The following SGCZ variants were observed in gnomAD, a reference collection of about 807,000 sequenced individuals.
SGCZ encodes the protein sarcoglycan zeta, also known as zeta-sarcoglycan.
In SGCZ, 40 loss-of-function variants were observed where a neutral mutation model predicts 41.3. The observed-to-expected ratio is 0.97, with a 90% CI of 0.75 to 1.26. The LOEUF is 1.26. SGCZ is among the 50% of genes most tolerant of loss of function. SGCZ has a pLI of 0.00. For missense variants in SGCZ, 552 were observed against 369.8 expected (o/e 1.49, Z -4.04); for synonymous variants, 206 against 137.5 (o/e 1.50, Z -3.49).
intron 2 of SGCZ, among the ~76,000 whole-genome samples, chr8:14,535,223 T>A: frequency 6.6e-6 from 1 of 151,992 alleles, no homozygotes; most frequent in East Asian, 1.9e-4. Context: ...TTTCAAATGT[T>A]CTGTGTTTTG....
At chr8:14,920,518 G>A (rs1372152538) in intron 1 of SGCZ, among the ~76,000 whole-genome samples, 8 of 152,094 alleles carry the variant, frequency 5.3e-5, no homozygotes, top group Non-Finnish European at 1.2e-4. Context: ...ATAATTTAGA[G>A]AGAAGCAATA....
rs528462219 is a variant in SGCZ, at chr8:14,703,554, C to G, written c.40-148628G>C. Among the ~76,000 whole-genome samples the G allele has an allele frequency of 1.1e-3, 160 of 152,094 alleles. 2 individuals are homozygous for G. Among genetic ancestry groups the G allele is most frequent in the African/African-American group, 3.7e-3 (154 of 41,526 alleles). ...CCTTATATATTTCATGCCAGCTACA[C>G]AAGGGCAGAAACTCTATTCTAGTCT... On this transcript the variant is annotated intron_variant, in intron 1 of 7. Coordinates refer to ENST00000382080, the MANE Select transcript of SGCZ (RefSeq NM_139167.4).
intron 2 of SGCZ, among the ~76,000 whole-genome samples, chr8:14,411,212 T>C (rs934046243): frequency 1.3e-5 from 2 of 152,142 alleles, no homozygotes; most frequent in Non-Finnish European, 2.9e-5. Context: ...GCATGTTCTC[T>C]CCTTAGAAAC....
chr8:14,767,403 G>A (rs1800072353), intron 1 of SGCZ, among the ~76,000 whole-genome samples: 2 of 152,140 alleles, frequency 1.3e-5, no homozygotes, highest in African/African-American at 4.8e-5. Flanking sequence ...GTAGACCCAG[G>A]AAAACAGAAA....
Position 14,298,589 on chromosome 8 carries a change from A to C in SGCZ, c.336+25514T>G, listed in dbSNP as rs190333680. 3.0e-4 allele frequency among the ~76,000 whole-genome samples: 46 copies of C among 152,138 alleles called. No individual in the cohort carries two copies. In the East Asian group the frequency reaches 3.7e-3, roughly 12 times the overall value. On this transcript the variant is annotated intron_variant, in intron 3 of 7. Transcript: ENST00000382080. ...ATTTAAACTTAATACCATTTATTACAACATTAAAAATTTTATATACTCAGA... is the reference window on the plus strand; with the variant it reads ...ATTTAAACTTAATACCATTTATTACCACATTAAAAATTTTATATACTCAGA...
intron 1 of SGCZ, among the ~76,000 whole-genome samples, chr8:15,226,206 G>A (rs1034896389): frequency 2.6e-4 from 39 of 152,210 alleles, no homozygotes; most frequent in African/African-American, 8.7e-4. Context: ...TACTTACTTA[G>A]CTGGCTCACT....
intron 1 of SGCZ, among the ~76,000 whole-genome samples, chr8:14,802,895 T>A (rs1801372494): frequency 6.6e-6 from 1 of 152,164 alleles, no homozygotes; most frequent in Non-Finnish European, 1.5e-5. Context: ...GCACTGAAGC[T>A]TCCTGTCTGC....
At chr8:14,484,481 T>C (rs1387743428) in intron 2 of SGCZ, among the ~76,000 whole-genome samples, 1 of 152,204 alleles carries the variant, frequency 6.6e-6, no homozygotes, top group African/African-American at 2.4e-5. Context: ...GATGTGATTT[T>C]TAAAACATTT....
intron 3 of SGCZ, among the ~76,000 whole-genome samples, chr8:14,322,926 G>A (rs964715568): frequency 6.6e-6 from 1 of 151,992 alleles, no homozygotes; most frequent in Admixed American, 6.6e-5. Context: ...ACAAAATAAA[G>A]CAAAAGAACT....
intron 1 of SGCZ, among the ~76,000 whole-genome samples, chr8:15,179,427 C>T (rs928828616): frequency 2.6e-5 from 4 of 152,096 alleles, no homozygotes; most frequent in African/African-American, 4.8e-5. Flanking sequence ...CATAAAACTA[C>T]GTAAGATGTA....
intron 1 of SGCZ, among the ~76,000 whole-genome samples, chr8:14,660,571 C>CAAAAAA (rs71304960): frequency 1.8e-4 from 12 of 67,238 alleles, no homozygotes; most frequent in African/African-American, 4.8e-4. Flanking sequence ...AACTCCATCT[C>CAAAAAA]AAAAAAAAAA....
chr8:15,218,515 A>G (rs1801491125), intron 1 of SGCZ, among the ~76,000 whole-genome samples: 1 of 152,202 alleles, frequency 6.6e-6, no homozygotes, highest in Non-Finnish European at 1.5e-5. Flanking sequence ...AAACTCAAGC[A>G]CTTACATTTA....
intron 1 of SGCZ, among the ~76,000 whole-genome samples, chr8:14,976,029 T>A (rs1402325357): frequency 8.2e-5 from 12 of 146,900 alleles, no homozygotes; most frequent in East Asian, 2.0e-4. Context: ...CATATATATT[T>A]TTTTTTTTTC....
chr8:14,769,052 C>T (rs75031978), intron 1 of SGCZ, among the ~76,000 whole-genome samples: 2,642 of 151,820 alleles, frequency 0.017, 31 homozygotes, highest in Middle Eastern at 0.037. Flanking sequence ...AACACACACC[C>T]GTCATCTGGT....
chr8:15,103,901 T>C (rs1004218011), intron 1 of SGCZ, among the ~76,000 whole-genome samples: 16 of 152,140 alleles, frequency 1.1e-4, no homozygotes, highest in African/African-American at 3.9e-4. Context: ...AGTGTCAAAG[T>C]CACACTAATG....
At chr8:14,270,189 G>T (rs879562923) in intron 3 of SGCZ, among the ~76,000 whole-genome samples, 1 of 151,976 alleles carries the variant, frequency 6.6e-6, no homozygotes, top group African/African-American at 2.4e-5. Flanking sequence ...AAAATTAGCT[G>T]GTTGTGGTGA....
intron 1 of SGCZ, among the ~76,000 whole-genome samples, chr8:15,164,891 T>C (rs934564997): frequency 6.6e-6 from 1 of 152,080 alleles, no homozygotes; most frequent in African/African-American, 2.4e-5. Context: ...ATAAGCTTCT[T>C]TCTGGTTTGA....
chr8:14,521,176 C>T (rs889201425), intron 2 of SGCZ, among the ~76,000 whole-genome samples: 1 of 152,172 alleles, frequency 6.6e-6, no homozygotes, highest in African/African-American at 2.4e-5. Context: ...GGATCCCTCA[C>T]ATTGCCCTTT....
intron 2 of SGCZ, among the ~76,000 whole-genome samples, chr8:14,485,679 C>T (rs1216056904): frequency 6.6e-6 from 1 of 152,126 alleles, no homozygotes; most frequent in Non-Finnish European, 1.5e-5. Context: ...CTCACTGTAA[C>T]AGAAGCTTAT....
Sources: gnomAD v4.1 joint callset for allele counts (sites outside exome capture counted in the v4.1 genomes callset) on GRCh38, gnomAD v4.1.1 for gene constraint, MANE v1.5 for transcripts, NCBI Gene and HGNC (gene_info 2026-07-23, HGNC 2026-07-21) for gene names.